UNC13B: variants seen among roughly 807,000 people sequenced by gnomAD.
UNC13B encodes the protein protein unc-13 homolog B.
UNC13B carries 144 observed loss-of-function variants against 211.0 expected under a neutral mutation model. The ratio of observed to expected loss-of-function variants is 0.68; its 90% CI spans 0.60 to 0.78. UNC13B has a LOEUF of 0.78. Ranked by LOEUF, UNC13B falls within the 30% of genes least tolerant of loss-of-function variation. The pLI, the probability that UNC13B is intolerant of heterozygous loss-of-function variation, is 0.00. For synonymous variants in UNC13B, 709 were observed against 725.8 expected, an observed-to-expected ratio of 0.98 and a Z score of 0.37; for missense variants, 1,777 against 2,002.0, an observed-to-expected ratio of 0.89 and a Z score of 2.14.
rs74176715 is a variant in UNC13B at position 35,319,402 on chromosome 9, CAAAAAAAAAAAA to C, written c.9414+5436_9414+5447del. On this transcript the variant is annotated intron_variant, in intron 11 of 39. Transcript: ENST00000635942. ...TAGGTGACAGAGTGAGACCCTATCTCAAAAAAAAAAAAAAAAAAAAAAAAAAAAAAAAAATTA... is the reference window on the plus strand; with the variant it reads ...TAGGTGACAGAGTGAGACCCTATCTCAAAAAAAAAAAAAAAAAAAAAATTA... Among the ~76,000 whole-genome samples the C allele has an allele frequency of 7.4e-3, 416 of 56,204 alleles. 7 individuals carry two copies. Among genetic ancestry groups the C allele is most frequent in the African/African-American group, 0.033 (392 of 11,922 alleles). The allele number at this position is 56,204 out of a possible 152,430, so 36.9% of individuals were successfully genotyped here. A position where few individuals can be genotyped will look rare whatever the true frequency, so the allele number is the denominator to read the frequency against.
intron 11 of UNC13B, among the ~76,000 whole-genome samples, chr9:35,332,135 C>A (rs1332095342): frequency 6.6e-6 from 1 of 152,192 alleles, no homozygotes; most frequent in East Asian, 1.9e-4. Flanking sequence ...GCATGAGCCA[C>A]CACGTCTGGC....
At chr9:35,389,740 G>C in intron 24 of UNC13B, 106 bp from the exon 25 acceptor site, 2 of 1,248,144 alleles carry the variant, frequency 1.6e-6, no homozygotes, top group Non-Finnish European at 2.3e-6. Context: ...CTTGATTCTA[G>C]AGGAAGAGGT....
intron 11 of UNC13B, among the ~76,000 whole-genome samples, chr9:35,348,899 GTTTAC>G (rs1294460144): frequency 6.6e-6 from 1 of 152,002 alleles, no homozygotes; most frequent in Non-Finnish European, 1.5e-5. Context: ...TTCCATCTTA[GTTTAC>G]TAAGCTTACT....
At chr9:35,364,419 C>A in intron 11 of UNC13B, 1 of 1,004,012 alleles carries the variant, frequency 1.0e-6, no homozygotes, top group Non-Finnish European at 1.4e-6. Context: ...GCCTAGTTGT[C>A]CCGAGGACCT....
rs755916922 is a variant in UNC13B, at chr9:35,403,870, C to T, written c.12860C>T (p.Ala4287Val). 5 of 1,614,148 alleles carry T rather than the reference C, an allele frequency of 3.1e-6. No individual in the cohort carries two copies. In the Admixed American group the frequency reaches 5.0e-5, roughly 16 times the overall value. Residue 4287 changes from alanine to valine, a missense_variant, in exon 40 of 40, where the codon GCC (alanine) becomes GTC (valine). By Grantham distance (64) the Ala-to-Val change is moderately conservative. Coordinates refer to ENST00000635942, the MANE Select transcript of UNC13B (RefSeq NM_001371189.2). ...GTGATGCCTCTGAGGGATGTCACAG[C>T]CAAGGGCAGCTGTGCCTGCTGGTGC... ...LAVMPLRDVT[A>V]KGSCACWCPL...
intron 1 of UNC13B, among the ~76,000 whole-genome samples, chr9:35,218,343 T>G (rs1439883710): frequency 6.6e-6 from 1 of 152,114 alleles, no homozygotes; most frequent in Non-Finnish European, 1.5e-5. Flanking sequence ...TTCAAGACTC[T>G]TATTTGGTGT....
chr9:35,193,349 G>A (rs1370021978), intron 1 of UNC13B, among the ~76,000 whole-genome samples: 2 of 152,078 alleles, frequency 1.3e-5, no homozygotes, highest in African/African-American at 4.8e-5. Flanking sequence ...CAGAATAGGT[G>A]CCTTAAAAGA....
At chr9:35,264,933 A>G (rs1455441013) in intron 7 of UNC13B, among the ~76,000 whole-genome samples, 1 of 152,192 alleles carries the variant, frequency 6.6e-6, no homozygotes, top group Non-Finnish European at 1.5e-5. Context: ...TTGGAAGCAC[A>G]TAACTTGTCT....
chr9:35,217,358 G>C (rs1348498834), intron 1 of UNC13B, among the ~76,000 whole-genome samples: 1 of 151,716 alleles, frequency 6.6e-6, no homozygotes, highest in East Asian at 1.9e-4. Context: ...AACAATACAA[G>C]GATGCCTACT....
intron 1 of UNC13B, among the ~76,000 whole-genome samples, chr9:35,218,702 G>T (rs986975307): frequency 6.6e-6 from 1 of 151,586 alleles, no homozygotes; most frequent in African/African-American, 2.4e-5. Flanking sequence ...TGGTTAAGTG[G>T]TTAATTTAGA....
intron 1 of UNC13B, 38 bp from the exon 2 acceptor site, chr9:35,227,977 G>C: frequency 2.5e-6 from 4 of 1,602,604 alleles, no homozygotes; most frequent in Non-Finnish European, 2.6e-6. Context: ...AATGAACTTG[G>C]AAACATTCTT....
At position 35,301,334 on chromosome 9, in the gene UNC13B, C is replaced by T; in HGVS notation, c.1930C>T (p.Pro644Ser). Residue 644 changes from proline (P) to serine (S), a missense_variant, in exon 9 of 40, where the codon CCA (proline) becomes TCA (serine). Transcript: ENST00000635942. The part of the protein sequence containing the change: ...TTESIAKDLA[P>S]QSQSSVIKSV... ...AGAAAGTATTGCAAAGGACTTGGCT[C>T]CACAGAGTCAGAGTTCAGTTATAAA... The T allele has an allele frequency of 2.5e-6, 1 of 398,514 alleles. No homozygotes were observed. Among genetic ancestry groups the T allele is most frequent in the South Asian group, 1.3e-4 (1 of 7,830 alleles). 24.7% of individuals were successfully genotyped at this position (398,514 alleles called of 1,614,324 possible). A position where few individuals can be genotyped will look rare whatever the true frequency, so the allele number is the denominator to read the frequency against.
In UNC13B at chr9:35,225,880, C is replaced by G. The variant is rs147693687; in HGVS notation, c.23-2135C>G. Among the ~76,000 whole-genome samples, 342 of 152,052 alleles carry G rather than the reference C, an allele frequency of 2.2e-3. 2 individuals carry two copies. Among genetic ancestry groups the G allele is most frequent in the South Asian group, 0.019 (91 of 4,794 alleles). ...AAGTGGGTGGGTCCTTGGATCCCCG[C>G]GGTGACGTGTGAGGAGTTGACAGTG... On this transcript the variant is annotated intron_variant, in intron 1 of 39. Transcript: ENST00000635942.
chr9:35,299,140 G>A (rs1257805462), intron 8 of UNC13B, among the ~76,000 whole-genome samples: 1 of 152,152 alleles, frequency 6.6e-6, no homozygotes, highest in African/African-American at 2.4e-5. Flanking sequence ...GCTGAGGCAG[G>A]AGAATTGCTT....
Position 35,295,521 on chromosome 9 carries a change from G to C in UNC13B, c.527-175G>C, listed in dbSNP as rs1587559729. On this transcript the variant is annotated intron_variant, in intron 7 of 39. Coordinates refer to ENST00000635942, the MANE Select transcript of UNC13B (RefSeq NM_001371189.2). ...ATATGATAAGGAAGAGAAACTTGTG[G>C]GTATTAATTGAGACAGTTCTGCTCA... Among the ~76,000 whole-genome samples the C allele has an allele frequency of 2.6e-5, 4 of 152,170 alleles. No individual in the cohort carries two copies. The Middle Eastern group carries it at 0.014, about 518-fold the overall frequency.
chr9:35,353,512 C>A lies in UNC13B; in HGVS notation c.9415-13435C>A, dbSNP rs867543809. On this transcript the variant is annotated intron_variant, in intron 11 of 39. Coordinates refer to ENST00000635942, the MANE Select transcript of UNC13B (RefSeq NM_001371189.2). ...TCAGTGTGGTCTCTGGTGGAGTTGGCGTCTCCACACAGGGAGAGCAAACCC... is the reference window on the plus strand; with the variant it reads ...TCAGTGTGGTCTCTGGTGGAGTTGGAGTCTCCACACAGGGAGAGCAAACCC... The A allele has an allele frequency of 2.4e-6, 3 of 1,231,856 alleles. No homozygotes were observed. In the South Asian group the frequency reaches 1.2e-4, roughly 51 times the overall value. 76.3% of individuals were successfully genotyped at this position (1,231,856 alleles called of 1,614,324 possible).
Position 35,382,504 on chromosome 9 carries a change from T to C in UNC13B, c.10803T>C (p.Phe3601=), listed in dbSNP as rs1834917214. 2 of 1,612,104 alleles carry C rather than the reference T, an allele frequency of 1.2e-6. No individual in the cohort carries two copies. The highest frequency in any genetic ancestry group is 1.7e-5 in the Admixed American group (1 of 59,488). ...SASDRFAASN[F]GKERFVKLLD... is the part of the protein sequence containing the mutation. Reference sequence around the variant, plus strand: ...CTGATCGCTTTGCAGCCTCCAACTTTGGGGTAAGTATCATGTAAACACATA... The same window carrying C: ...CTGATCGCTTTGCAGCCTCCAACTTCGGGGTAAGTATCATGTAAACACATA... Residue 3601 remains phenylalanine, a synonymous_variant, in exon 21 of 40, where the codon TTT becomes TTC. Coordinates refer to ENST00000635942, the MANE Select transcript of UNC13B (RefSeq NM_001371189.2).
At chr9:35,249,723 C>A (rs915934201) in intron 6 of UNC13B, among the ~76,000 whole-genome samples, 14 of 152,232 alleles carry the variant, frequency 9.2e-5, no homozygotes, top group African/African-American at 2.9e-4. Flanking sequence ...CCGAGAGATC[C>A]ACTGTTAGTC....
chr9:35,328,316 G>T (rs1202892782), intron 11 of UNC13B, among the ~76,000 whole-genome samples: 1 of 152,042 alleles, frequency 6.6e-6, no homozygotes, highest in African/African-American at 2.4e-5. Flanking sequence ...GAGCCACCAT[G>T]CCCAGCCTAA....
Sources: gnomAD v4.1 joint callset for allele counts (sites outside exome capture counted in the v4.1 genomes callset) on GRCh38, gnomAD v4.1.1 for gene constraint, MANE v1.5 for transcripts, NCBI Gene and HGNC (gene_info 2026-07-23, HGNC 2026-07-21) for gene names.